Variants in UPF2 observed in about 807,000 individuals in gnomAD.
UPF2 encodes regulator of nonsense transcripts 2.
Under a neutral mutation model 141.4 loss-of-function variants are expected in UPF2, and 17 were observed. The ratio of observed to expected loss-of-function variants is 0.12; its 90% CI spans 0.08 to 0.18. The LOEUF (loss-of-function observed/expected upper bound fraction) is 0.18. Among genes scored for constraint, UPF2 ranks in the 10% least tolerant of loss-of-function variants. UPF2 has a pLI of 1.00. For missense variants in UPF2, 1,152 were observed against 1,515.9 expected, an observed-to-expected ratio of 0.76 and a Z score of 3.99; for synonymous variants, 540 against 498.0, an observed-to-expected ratio of 1.08 and a Z score of -1.12.
chr10:11,962,101 T>A (rs1233555240), intron 11 of UPF2, among the ~76,000 whole-genome samples: 1 of 152,212 alleles, frequency 6.6e-6, no homozygotes, highest in Non-Finnish European at 1.5e-5. Context: ...ATTTAACTTA[T>A]CACTCGTACA....
At chr10:11,987,919 A>G (rs1833720201) in intron 8 of UPF2, among the ~76,000 whole-genome samples, 1 of 152,204 alleles carries the variant, frequency 6.6e-6, no homozygotes, top group Non-Finnish European at 1.5e-5. Flanking sequence ...GATGAACTAC[A>G]TCAAACTTTA....
At chr10:11,922,381 T>C in intron 21 of UPF2, among the ~76,000 whole-genome samples, 1 of 152,174 alleles carries the variant, frequency 6.6e-6, no homozygotes, top group Non-Finnish European at 1.5e-5. Flanking sequence ...TGGAAAAGTA[T>C]ATCCTCAGCT....
chr10:11,961,535 G>A (rs1197127393), intron 11 of UPF2, among the ~76,000 whole-genome samples: 4 of 152,152 alleles, frequency 2.6e-5, no homozygotes, highest in South Asian at 4.2e-4. Flanking sequence ...GGGTAATAGA[G>A]AGCACTGCAC....
In UPF2 at chr10:11,920,907, T is replaced by G. The variant is rs933334953; in HGVS notation, c.*391A>C. 4 of 436,914 alleles carry G rather than the reference T, an allele frequency of 9.2e-6. No homozygotes were observed. The Admixed American group carries it at 1.0e-4, about 11-fold the overall frequency. 27.1% of individuals were successfully genotyped at this position (436,914 alleles called of 1,614,324 possible). ...AGAGACACTGAAACTCAAATCAAGTTTAAAGCTCAAGTTCATTTCCCCCAC... is the reference window on the plus strand; with the variant it reads ...AGAGACACTGAAACTCAAATCAAGTGTAAAGCTCAAGTTCATTTCCCCCAC... On this transcript the variant is annotated 3_prime_UTR_variant, in exon 22 of 22. Coordinates refer to ENST00000357604, the MANE Select transcript of UPF2 (RefSeq NM_015542.4).
At chr10:12,035,608 C>T (rs1043237951) in intron 1 of UPF2, 167 bp from the exon 2 acceptor site, 17 of 692,906 alleles carry the variant, frequency 2.5e-5, no homozygotes, top group Non-Finnish European at 3.4e-5. Flanking sequence ...TTATTCATCA[C>T]ATTCCACATC....
chr10:11,951,923 A>G, intron 15 of UPF2, 143 bp downstream of exon 15: 1 of 786,652 alleles, frequency 1.3e-6, no homozygotes, highest in African/African-American at 1.7e-5. Flanking sequence ...CCACACAGGC[A>G]TTACCTAACA....
At chr10:12,004,421 T>C in intron 5 of UPF2, 109 bp downstream of exon 5, 3 of 815,770 alleles carry the variant, frequency 3.7e-6, no homozygotes. Context: ...GACTCAATGT[T>C]CATATTACAA....
intron 21 of UPF2, among the ~76,000 whole-genome samples, chr10:11,925,229 C>T (rs1295320122): frequency 6.6e-6 from 1 of 152,172 alleles, no homozygotes; most frequent in Non-Finnish European, 1.5e-5. Flanking sequence ...ACTTTAGGAG[C>T]ATTGACTATA....
intron 9 of UPF2, among the ~76,000 whole-genome samples, chr10:11,972,256 T>C (rs913510917): frequency 1.2e-4 from 18 of 152,212 alleles, no homozygotes; most frequent in African/African-American, 3.4e-4. Context: ...TTCCATAATT[T>C]GCTCACTTTG....
intron 18 of UPF2, among the ~76,000 whole-genome samples, chr10:11,942,264 T>C (rs889926480): frequency 3.9e-5 from 6 of 152,022 alleles, no homozygotes; most frequent in East Asian, 3.9e-4. Flanking sequence ...TCCCAGCTAC[T>C]AGGGAGGCTG....
In UPF2 at chr10:12,016,666, C is replaced by A. The variant is rs1362418396; in HGVS notation, c.1146-2482G>T. ...CCAAGATTGCACCACTGTACTCCAG[C>A]CTGGGCGACAGAGCAAGACTGTCTA... On this transcript the variant is annotated intron_variant, in intron 3 of 21. Transcript: ENST00000357604. The surrounding 1 kb of genome is among the most constrained non-coding windows in gnomAD (Gnocchi z 4.1). Among the ~76,000 whole-genome samples, 1 of 151,088 alleles carries A rather than the reference C, an allele frequency of 6.6e-6. No individual in the cohort carries two copies. Among genetic ancestry groups the A allele is most frequent in the Non-Finnish European group, 1.5e-5 (1 of 67,896 alleles).
chr10:12,037,337 C>T (rs1405659725), intron 1 of UPF2, among the ~76,000 whole-genome samples: 1 of 151,780 alleles, frequency 6.6e-6, no homozygotes, highest in African/African-American at 2.4e-5. Context: ...CCACCTGGGC[C>T]TCCCAAAGTG....
intron 21 of UPF2, among the ~76,000 whole-genome samples, chr10:11,928,091 C>T (rs529078752): frequency 4.6e-5 from 7 of 152,290 alleles, no homozygotes; most frequent in African/African-American, 1.7e-4. Context: ...AACCGCAAGA[C>T]AAAATTAATT....
chr10:11,965,076 G>C (rs1486697712), intron 10 of UPF2, among the ~76,000 whole-genome samples: 1 of 152,080 alleles, frequency 6.6e-6, no homozygotes, highest in Non-Finnish European at 1.5e-5. Flanking sequence ...AATTTTGGAG[G>C]ATTTCAAATT....
In UPF2 at chr10:11,969,856, AATAAG is replaced by A. The variant is rs1170548680; in HGVS notation, c.1954-2407_1954-2403del. Among the ~76,000 whole-genome samples, 6 of 152,336 alleles carry A rather than the reference AATAAG, an allele frequency of 3.9e-5. No homozygotes were observed. The South Asian group carries it at 1.0e-3, about 26-fold the overall frequency. On this transcript the variant is annotated intron_variant, in intron 9 of 21. Coordinates refer to ENST00000357604, the MANE Select transcript of UPF2 (RefSeq NM_015542.4). ...GGACCTAATAGGGTTGTGAGTCTTAAATAAGATAATACTTGTAAAGCACATAAAAC... is the reference window on the plus strand; with the variant it reads ...GGACCTAATAGGGTTGTGAGTCTTAAATAATACTTGTAAAGCACATAAAAC...
At chr10:12,037,470 A>G (rs974566610) in intron 1 of UPF2, among the ~76,000 whole-genome samples, 1 of 143,178 alleles carries the variant, frequency 7.0e-6, no homozygotes, top group Non-Finnish European at 1.5e-5. Flanking sequence ...ATCTCGGCTC[A>G]CTGCAACCTC....
chr10:11,935,711 A>G lies in UPF2; in HGVS notation c.3546+834T>C, dbSNP rs746827664. 1.2e-4 allele frequency among the ~76,000 whole-genome samples: 18 copies of G among 152,226 alleles called. No homozygotes were observed. The highest frequency in any genetic ancestry group is 2.4e-4 in the Non-Finnish European group (16 of 68,038). On this transcript the variant is annotated intron_variant, in intron 19 of 21. Coordinates refer to ENST00000357604, the MANE Select transcript of UPF2 (RefSeq NM_015542.4). The surrounding 1 kb of genome is among the most constrained non-coding windows in gnomAD (Gnocchi z 4.9). ...CTCTCTGCTCTCTCAGTAGGAGATA[A>G]GTTCCACAAGGGCAGGAACATTGTT... is the stretch of plus-strand genomic sequence containing the variant.
rs574651512 is a variant in UPF2, at chr10:11,964,195, C to T, written c.2068-70G>A. ...TCCTAGTAGAGAAGAAATTATCATACATCTAATGTGTGTAACAACTTGGAA... is the reference window on the plus strand; with the variant it reads ...TCCTAGTAGAGAAGAAATTATCATATATCTAATGTGTGTAACAACTTGGAA... On this transcript the variant is annotated intron_variant, in intron 10 of 21. Coordinates refer to ENST00000357604, the MANE Select transcript of UPF2 (RefSeq NM_015542.4). The T allele has an allele frequency of 2.3e-5, 26 of 1,151,444 alleles. No homozygotes were observed. The African/African-American group carries it at 2.8e-4, about 12-fold the overall frequency. 71.3% of individuals were successfully genotyped at this position (1,151,444 alleles called of 1,614,324 possible).
intron 3 of UPF2, among the ~76,000 whole-genome samples, chr10:12,023,764 G>A (rs927675559): frequency 1.3e-5 from 2 of 151,612 alleles, no homozygotes; most frequent in African/African-American, 4.8e-5. Context: ...GCTCAGGCAG[G>A]CAGGTGGCTT....
Sources: allele counts gnomAD v4.1 joint callset (sites outside exome capture counted in the v4.1 genomes callset), GRCh38; gene constraint gnomAD v4.1.1; non-coding constraint Gnocchi (gnomAD v3.1); transcripts MANE v1.5; gene names NCBI Gene and HGNC (gene_info 2026-07-23, HGNC 2026-07-21).